The following IPO4 variants were observed in gnomAD, a reference collection of about 807,000 sequenced individuals.
IPO4 encodes importin-4.
Under a neutral mutation model 133.5 loss-of-function variants are expected in IPO4, and 91 were observed. The ratio of observed to expected loss-of-function variants is 0.68; its 90% CI spans 0.58 to 0.81. The LOEUF is 0.81. Among genes scored for constraint, IPO4 ranks in the 30% least tolerant of loss-of-function variants. The pLI is 0.00. For missense variants in IPO4, 1,279 were observed against 1,386.2 expected, an observed-to-expected ratio of 0.92 and a Z score of 1.23; for synonymous variants, 607 against 581.6, an observed-to-expected ratio of 1.04 and a Z score of -0.63.
At chr14:24,186,098 A>C (rs1455374194) in intron 11 of IPO4, 31 bp downstream of exon 11, 2 of 1,612,806 alleles carry the variant, frequency 1.2e-6, no homozygotes, top group South Asian at 2.2e-5. Flanking sequence ...ACTTGGAGGT[A>C]GGGACACCAG....
chr14:24,181,940 G>T lies in IPO4; in HGVS notation c.2807+15C>A. On this transcript the variant is annotated intron_variant, in intron 26 of 29. Coordinates refer to ENST00000354464, the MANE Select transcript of IPO4 (RefSeq NM_024658.4). ...CCCAACCTCCAGTCCCTCCCGTCCT[G>T]CGAGCCAAGGATACTCCTGGGCAGG... The T allele has an allele frequency of 3.1e-6, 5 of 1,609,728 alleles. No homozygotes were observed. The highest frequency in any genetic ancestry group is 3.4e-6 in the Non-Finnish European group (4 of 1,179,742).
rs1207271796 is a variant in IPO4, at chr14:24,180,252, A to G, written c.*190T>C. ...AAGCAGAAAACAAGCTGCTTTTATT[A>G]CAGTATGATGTCATGACTCATTTGT... On this transcript the variant is annotated 3_prime_UTR_variant, in exon 30 of 30. Coordinates refer to ENST00000354464, the MANE Select transcript of IPO4 (RefSeq NM_024658.4). 5 of 1,560,350 alleles carry G rather than the reference A, an allele frequency of 3.2e-6. No homozygotes were observed. Among genetic ancestry groups the G allele is most frequent in the Non-Finnish European group, 3.5e-6 (4 of 1,151,420 alleles).
At chr14:24,183,423 A>G (rs765112883) in intron 21 of IPO4, 33 bp downstream of exon 21, 2 of 1,599,520 alleles carry the variant, frequency 1.3e-6, no homozygotes, top group East Asian at 4.5e-5. Flanking sequence ...CCAGCCTGAG[A>G]ACCCCACCCA....
In IPO4 at chr14:24,187,697, A is replaced by G; in HGVS notation, c.378T>C (p.Ser126=). The G allele has an allele frequency of 6.2e-7, 1 of 1,614,220 alleles. No individual in the cohort carries two copies. The highest frequency in any genetic ancestry group is 8.5e-7 in the Non-Finnish European group (1 of 1,180,036). ...TCTCTGGGCTGTGGGGGCTGTGGGT[A>G]CTGTGCTGAAGCAGCTGCAAAAGCT... ...WPQLLQLLQH[S]THSPHSPERE... Residue 126 remains serine (S), a synonymous_variant, in exon 5 of 30, where the codon AGT becomes AGC. Coordinates refer to ENST00000354464, the MANE Select transcript of IPO4 (RefSeq NM_024658.4).
rs747161943 is a variant in IPO4 at position 24,188,643 on chromosome 14, G to C, written c.70-5C>G. ...GATCTGGAGCTGTTCCGTGGCCTGG[G>C]GGGAAGCTAGGGGTGAGAGTTGGGC... On this transcript the variant is annotated splice_region_variant and splice_polypyrimidine_tract_variant and intron_variant, in intron 1 of 29. Transcript: ENST00000354464. 5.3e-5 allele frequency: 85 copies of C among 1,608,738 alleles called. 1 individual carries two copies. In the South Asian group the frequency reaches 8.2e-4, roughly 15 times the overall value.
At chr14:24,184,840 A>T (rs551042370) in intron 15 of IPO4, 27 bp downstream of exon 15, 1 of 1,608,672 alleles carries the variant, frequency 6.2e-7, no homozygotes, top group Admixed American at 1.7e-5. Context: ...TGAACCCCAC[A>T]TCCCTGCCTC....
rs757118268 is a variant in IPO4 at position 24,187,144 on chromosome 14, C to T, written c.595G>A (p.Ala199Thr). 25 of 1,613,566 alleles carry T rather than the reference C, an allele frequency of 1.5e-5. No individual in the cohort carries two copies. The highest frequency in any genetic ancestry group is 1.2e-4 in the African/African-American group (9 of 74,914). The change falls in exon 7 of 30, where the codon GCT becomes ACT. Residue 199 changes from alanine (A) to threonine (T), a missense_variant. By Grantham distance (58) the Ala-to-Thr change is moderately conservative. This residue lies in a region of IPO4 where 695 missense variants were observed against 704.1 expected (regional missense o/e 0.99). Transcript: ENST00000354464. ...ATCAGCTTGGGCACCAACATCCGAG[C>T]GAGAGGCTGAGGGACACATCACAGA... Reference protein sequence around the residue: ...PYLSTEDVPLARMLVPKLIMA... With the variant: ...PYLSTEDVPLTRMLVPKLIMA...
At chr14:24,187,330 T>C (rs2039238133) in intron 6 of IPO4, 70 bp downstream of exon 6, 1 of 1,564,830 alleles carries the variant, frequency 6.4e-7, no homozygotes, top group African/African-American at 1.4e-5. Flanking sequence ...AGCAGCTTTG[T>C]AACTTTTACG....
rs2039231896 is a variant in IPO4 at position 24,186,987 on chromosome 14, A to G, written c.655-8T>C. The G allele has an allele frequency of 1.2e-6, 2 of 1,613,250 alleles. No homozygotes were observed. Among genetic ancestry groups the G allele is most frequent in the Non-Finnish European group, 1.7e-6 (2 of 1,179,174 alleles). On this transcript the variant is annotated splice_polypyrimidine_tract_variant and splice_region_variant and intron_variant, in intron 7 of 29. Coordinates refer to ENST00000354464, the MANE Select transcript of IPO4 (RefSeq NM_024658.4). ...GGCCTCACAGGCCTTTGCCTGACAG[A>G]CAAACAAGGCACAAGGTTACCATGC... is the stretch of plus-strand genomic sequence containing the variant.
rs114902352 is a variant in IPO4 at position 24,188,730 on chromosome 14, G to A, written c.58C>T (p.Arg20Cys). 2.2e-3 allele frequency: 3,461 copies of A among 1,561,152 alleles called. 49 individuals carry two copies. The highest frequency in any genetic ancestry group is 0.021 in the African/African-American group (1,533 of 73,642). The change falls in exon 1 of 30, where the codon CGC (arginine) becomes TGC (cysteine). Residue 20 changes from arginine (R) to cysteine (C), a missense_variant. By Grantham distance (180) the Arg-to-Cys change is radical. Coordinates refer to ENST00000354464, the MANE Select transcript of IPO4 (RefSeq NM_024658.4). The part of the protein sequence containing the change: ...LRELLLPDTE[R>C]IRRATEQLQI... ...CGCCTGCTCCGTACCCGACGGATGC[G>A]CTCGGTGTCCGGTAGCAGCAGCTCC...
intron 24 of IPO4, 194 bp downstream of exon 24, chr14:24,182,598 C>T: frequency 1.1e-6 from 1 of 935,030 alleles, no homozygotes; most frequent in East Asian, 2.4e-5. Flanking sequence ...ACTCCAAGCA[C>T]ACCCCAGTCC....
At chr14:24,186,836 C>T in intron 8 of IPO4, 42 bp downstream of exon 8, 1 of 1,612,462 alleles carries the variant, frequency 6.2e-7, no homozygotes, top group Non-Finnish European at 8.5e-7. Context: ...AGGAGAGTCC[C>T]AGCAGAGCAT....
chr14:24,181,696 G>A lies in IPO4; in HGVS notation c.2940+15C>T. 1.2e-6 allele frequency: 2 copies of A among 1,608,128 alleles called. No homozygotes were observed. The highest frequency in any genetic ancestry group is 1.7e-6 in the Non-Finnish European group (2 of 1,176,312). On this transcript the variant is annotated intron_variant, in intron 27 of 29. Transcript: ENST00000354464. The stretch of plus-strand genomic sequence containing the variant: ...CCTCAGCTTCCAAGCCCTGCCTGAT[G>A]TCTCCCTCCCTCACCTGGGGCTCTG...
Position 24,188,274 on chromosome 14 carries a change from A to T in IPO4, c.237-17T>A. The T allele has an allele frequency of 6.2e-7, 1 of 1,613,294 alleles. No homozygotes were observed. Among genetic ancestry groups the T allele is most frequent in the Non-Finnish European group, 8.5e-7 (1 of 1,179,656 alleles). On this transcript the variant is annotated splice_polypyrimidine_tract_variant and intron_variant, in intron 3 of 29. Coordinates refer to ENST00000354464, the MANE Select transcript of IPO4 (RefSeq NM_024658.4). Reference sequence around the variant, plus strand: ...GACTTGAGGCTGGAACACAGGTGGCAGGTGTTTGGTACCCAGCCTGCCCAA... The same window carrying T: ...GACTTGAGGCTGGAACACAGGTGGCTGGTGTTTGGTACCCAGCCTGCCCAA...
chr14:24,181,840 G>A lies in IPO4; in HGVS notation c.2811C>T (p.His937=), dbSNP rs761247753. ...AAAGGAGCCCCAGCAGCTTGGGGAA[G>A]TGTCTGGTCCACAGTCAAGGAATGG... ...AEHGGHPAQE[H]FPKLLGLLFP... is the part of the protein sequence containing the mutation. Residue 937 remains histidine (H), a synonymous_variant, in exon 27 of 30, where the codon CAC becomes CAT. Coordinates refer to ENST00000354464, the MANE Select transcript of IPO4 (RefSeq NM_024658.4). 3.8e-6 allele frequency: 6 copies of A among 1,596,922 alleles called. No individual in the cohort carries two copies. Among genetic ancestry groups the A allele is most frequent in the East Asian group, 2.2e-5 (1 of 44,624 alleles).
At position 24,182,819 on chromosome 14, in the gene IPO4, C is replaced by T; in HGVS notation, c.2445G>A (p.Glu815=). The part of the protein sequence containing the change: ...QRKTACQDTD[E]EEEEEDDDQA... ...GATCATCATCTTCCTCTTCCTCCTCCTCGTCAGTATCCTGACAGGCTGTCT... is the reference window on the plus strand; with the variant it reads ...GATCATCATCTTCCTCTTCCTCCTCTTCGTCAGTATCCTGACAGGCTGTCT... Residue 815 remains glutamate, a synonymous_variant, in exon 24 of 30, where the codon GAG becomes GAA. Coordinates refer to ENST00000354464, the MANE Select transcript of IPO4 (RefSeq NM_024658.4). 1 of 1,614,210 alleles carries T rather than the reference C, an allele frequency of 6.2e-7. No homozygotes were observed. The highest frequency in any genetic ancestry group is 8.5e-7 in the Non-Finnish European group (1 of 1,180,020).
intron 6 of IPO4, 78 bp from the exon 7 acceptor site, chr14:24,187,228 T>C (rs745918785): frequency 3.4e-5 from 52 of 1,541,032 alleles, no homozygotes; most frequent in Non-Finnish European, 4.7e-5. Flanking sequence ...ACAGCCTGAA[T>C]TGCGAGGAGG....
chr14:24,187,917 C>A, intron 4 of IPO4, 121 bp from the exon 5 acceptor site: 1 of 1,243,698 alleles, frequency 8.0e-7, no homozygotes, highest in Non-Finnish European at 1.1e-6. Flanking sequence ...GGGTCTTTGC[C>A]AAGTTGGGAC....
chr14:24,184,093 C>A lies in IPO4; in HGVS notation c.1774G>T (p.Ala592Ser). The change falls in exon 18 of 30, where the codon GCC becomes TCC. Residue 592 changes from alanine to serine, a missense_variant. Physicochemically the swap from Ala to Ser is moderately conservative, Grantham distance 99. Transcript: ENST00000354464. Reference protein sequence around the residue: ...LRRCTYSLFAALSGLMGEGLA... With the variant: ...LRRCTYSLFASLSGLMGEGLA... ...CCCTCACCCATCAGACCCGATAAGG[C>A]TGCAAATAGGCTGTACCTGGTCAAA... The A allele has an allele frequency of 6.2e-7, 1 of 1,612,478 alleles. No homozygotes were observed. The highest frequency in any genetic ancestry group is 8.5e-7 in the Non-Finnish European group (1 of 1,179,792).
Sources: allele counts gnomAD v4.1 joint callset, GRCh38; gene constraint gnomAD v4.1.1; regional missense constraint gnomAD v4.1.1; transcripts MANE v1.5; gene names NCBI Gene and HGNC (gene_info 2026-07-23, HGNC 2026-07-21).